The following TAF2 variants were observed in gnomAD, a reference collection of about 807,000 sequenced individuals.
TAF2 encodes the protein TATA-box binding protein associated factor 2.
Under a neutral mutation model 138.5 loss-of-function variants are expected in TAF2, and 61 were observed. That is an observed-to-expected ratio of 0.44 (90% CI 0.36 to 0.54). The LOEUF (loss-of-function observed/expected upper bound fraction) is 0.54, where lower values mean the gene tolerates loss of function less well. TAF2 is among the 20% of genes least tolerant of loss of function. The pLI is 0.00. For missense variants in TAF2, 1,090 were observed against 1,427.9 expected, an observed-to-expected ratio of 0.76 and a Z score of 3.81; for synonymous variants, 475 against 469.9, an observed-to-expected ratio of 1.01 and a Z score of -0.14.
At chr8:119,761,944 C>T (rs186658640) in intron 19 of TAF2, among the ~76,000 whole-genome samples, 2 of 151,952 alleles carry the variant, frequency 1.3e-5, no homozygotes, top group East Asian at 3.9e-4. Flanking sequence ...ATAGTTTGTT[C>T]ACTATATAGA....
chr8:119,783,517 A>G lies in TAF2; in HGVS notation c.1976T>C (p.Val659Ala). ...WQYQLRYERD[V>A]VAQQESILAL... ...CAAAATGGATTCCTGCTGTGCAACA[A>G]CATCTCTCTCATAGCGGAGCTGATA... The change falls in exon 16 of 26, where the codon GTT becomes GCT. Residue 659 changes from valine to alanine, a missense_variant. By Grantham distance (64) the Val-to-Ala change is moderately conservative. Transcript: ENST00000378164. 1 of 1,614,170 alleles carries G rather than the reference A, an allele frequency of 6.2e-7. No homozygotes were observed. The highest frequency in any genetic ancestry group is 8.5e-7 in the Non-Finnish European group (1 of 1,180,028).
chr8:119,788,684 T>A, intron 13 of TAF2, 106 bp downstream of exon 13: 1 of 895,688 alleles, frequency 1.1e-6, no homozygotes, highest in African/African-American at 1.6e-5. Context: ...TTTATCCACT[T>A]CAAACAAAAT....
rs546079177 is a variant in TAF2 at position 119,748,928 on chromosome 8, A to C, written c.2879-1994T>G. ...GGCATTTTATCAGTTAAAAAAAAAAAAACAAAAAACAGAACAGAACAGTTT... is the reference window on the plus strand; with the variant it reads ...GGCATTTTATCAGTTAAAAAAAAAACAACAAAAAACAGAACAGAACAGTTT... On this transcript the variant is annotated intron_variant, in intron 22 of 25. Transcript: ENST00000378164. Among the ~76,000 whole-genome samples, 5 of 138,374 alleles carry C rather than the reference A, an allele frequency of 3.6e-5. No individual in the cohort carries two copies. The East Asian group carries it at 6.8e-4, about 19-fold the overall frequency. 90.8% of individuals were successfully genotyped at this position (138,374 alleles called of 152,430 possible).
In TAF2 at chr8:119,832,561, G is replaced by A. The variant is rs1390812009; in HGVS notation, c.4C>T (p.Pro2Ser). The change falls in exon 1 of 26, where the codon CCG (proline) becomes TCG (serine). Residue 2 changes from proline to serine, a missense_variant. Pro to Ser is a moderately conservative substitution (Grantham distance 74, BLOSUM62 -1). Around this residue, in one of 3 missense-constraint regions of TAF2, gnomAD observed 504 missense variants for 680.9 expected, o/e 0.74. Coordinates refer to ENST00000378164, the MANE Select transcript of TAF2 (RefSeq NM_003184.4). ...CTGGCGGGCTCTACACCAGTCAGCG[G>A]CATGAAGCGGTCCCGCGGAGCTTGG... Reference protein sequence around the residue: MPLTGVEPARMN... With the variant: MSLTGVEPARMN... The A allele has an allele frequency of 4.3e-6, 7 of 1,612,898 alleles. No homozygotes were observed. The highest frequency in any genetic ancestry group is 1.3e-5 in the African/African-American group (1 of 74,914).
At chr8:119,810,691 G>A (rs1043297348) in intron 3 of TAF2, among the ~76,000 whole-genome samples, 2 of 152,272 alleles carry the variant, frequency 1.3e-5, no homozygotes, top group East Asian at 3.9e-4. Flanking sequence ...TTTATCTATA[G>A]AGTATAATTT....
chr8:119,799,600 T>C (rs1319744127), intron 6 of TAF2, among the ~76,000 whole-genome samples: 3 of 152,224 alleles, frequency 2.0e-5, no homozygotes, highest in East Asian at 1.9e-4. Flanking sequence ...TGAATAGTGC[T>C]GCAATAAACA....
intron 14 of TAF2, among the ~76,000 whole-genome samples, chr8:119,788,036 A>C (rs957928962): frequency 2.6e-5 from 4 of 152,172 alleles, no homozygotes; most frequent in African/African-American, 9.7e-5. Flanking sequence ...GGAGTTGAAC[A>C]ATGAGAACAC....
chr8:119,753,367 T>C (rs1820484798), intron 22 of TAF2, among the ~76,000 whole-genome samples: 1 of 152,228 alleles, frequency 6.6e-6, no homozygotes, highest in Non-Finnish European at 1.5e-5. Context: ...GATTCATTCA[T>C]TTATCCCAAA....
At chr8:119,764,683 G>T (rs1821304144) in intron 18 of TAF2, among the ~76,000 whole-genome samples, 1 of 152,046 alleles carries the variant, frequency 6.6e-6, no homozygotes, top group Admixed American at 6.6e-5. Context: ...ACATTTCAAA[G>T]AATTTAAGAT....
At chr8:119,821,176 T>C (rs1825783860) in intron 2 of TAF2, among the ~76,000 whole-genome samples, 1 of 152,220 alleles carries the variant, frequency 6.6e-6, no homozygotes, top group Admixed American at 6.5e-5. Context: ...TGCCACCACC[T>C]AGGGCTCTAA....
Position 119,832,698 on chromosome 8 carries a change from G to A in TAF2, c.-134C>T, listed in dbSNP as rs1328500971. On this transcript the variant is annotated 5_prime_UTR_variant, in exon 1 of 26. Coordinates refer to ENST00000378164, the MANE Select transcript of TAF2 (RefSeq NM_003184.4). Reference sequence around the variant, plus strand: ...TCGCAGCTGGCCGGTGCCCAGGTGAGCGACCTGACGGGTCGCTGCCCGCCT... The same window carrying A: ...TCGCAGCTGGCCGGTGCCCAGGTGAACGACCTGACGGGTCGCTGCCCGCCT... 2.0e-5 allele frequency: 15 copies of A among 749,406 alleles called. No homozygotes were observed. Among genetic ancestry groups the A allele is most frequent in the Non-Finnish European group, 3.1e-5 (15 of 483,796 alleles). The allele number at this position is 749,406 out of a possible 1,614,324, so 46.4% of individuals were successfully genotyped here.
At chr8:119,788,208 G>A (rs1048382101) in intron 14 of TAF2, 130 bp downstream of exon 14, 5 of 756,000 alleles carry the variant, frequency 6.6e-6, no homozygotes, top group African/African-American at 1.7e-5. Context: ...TGCATGTTCT[G>A]CACATGTATC....
At chr8:119,740,793 G>T (rs2130989381) in intron 25 of TAF2, among the ~76,000 whole-genome samples, 1 of 151,978 alleles carries the variant, frequency 6.6e-6, no homozygotes, top group East Asian at 1.9e-4. Context: ...TTTGTAAAAT[G>T]AAGGTTTTCT....
intron 24 of TAF2, among the ~76,000 whole-genome samples, chr8:119,742,986 T>C (rs897013139): frequency 2.6e-5 from 4 of 151,824 alleles, no homozygotes; most frequent in African/African-American, 9.7e-5. Flanking sequence ...AGAGAGTCAC[T>C]TGAACCCGGG....
At position 119,731,323 on chromosome 8, in the gene TAF2, G is replaced by T. The variant is rs1046215689; in HGVS notation, c.*601C>A. 6.6e-6 allele frequency: 1 copy of T among 152,136 alleles called. No individual in the cohort carries two copies. The highest frequency in any genetic ancestry group is 1.5e-5 in the Non-Finnish European group (1 of 68,034). 9.4% of individuals were successfully genotyped at this position (152,136 alleles called of 1,614,324 possible). A position where few individuals can be genotyped will look rare whatever the true frequency, so the allele number is the denominator to read the frequency against. On this transcript the variant is annotated 3_prime_UTR_variant, in exon 26 of 26. Transcript: ENST00000378164. ...AGTTATTCAAAATTTTTTTAAAAAA[G>T]AATTGCTTCCCCAAATCTCAGTATT...
intron 22 of TAF2, among the ~76,000 whole-genome samples, chr8:119,747,995 A>G (rs1328628550): frequency 6.6e-6 from 1 of 152,080 alleles, no homozygotes; most frequent in African/African-American, 2.4e-5. Flanking sequence ...GTGGTGGTGC[A>G]TGACTGTAAT....
chr8:119,783,247 A>T, intron 16 of TAF2, 134 bp downstream of exon 16: 1 of 1,028,116 alleles, frequency 9.7e-7, no homozygotes, highest in Non-Finnish European at 1.4e-6. Flanking sequence ...CTATTAATTT[A>T]AAAGCACTTT....
At chr8:119,740,573 G>A (rs562515574) in intron 25 of TAF2, among the ~76,000 whole-genome samples, 23 of 146,010 alleles carry the variant, frequency 1.6e-4, no homozygotes, top group African/African-American at 5.3e-4. Flanking sequence ...GCTGAGGTAC[G>A]AGAATCACTT....
chr8:119,778,154 T>TA lies in TAF2; in HGVS notation c.2254-26dup. ...TCTACAAAAGAAAAAAAAGAACTTT[T>TA]AAAAGCACAGAACCTAACTTTTTGT... On this transcript the variant is annotated intron_variant, in intron 17 of 25. Coordinates refer to ENST00000378164, the MANE Select transcript of TAF2 (RefSeq NM_003184.4). 3 of 1,439,444 alleles carry TA rather than the reference T, an allele frequency of 2.1e-6. No individual in the cohort carries two copies. In the South Asian group the frequency reaches 3.5e-5, roughly 17 times the overall value. 89.2% of individuals were successfully genotyped at this position (1,439,444 alleles called of 1,614,324 possible).
Sources: allele counts gnomAD v4.1 joint callset (sites outside exome capture counted in the v4.1 genomes callset), GRCh38; gene constraint gnomAD v4.1.1; regional missense constraint gnomAD v4.1.1; transcripts MANE v1.5; gene names NCBI Gene and HGNC (gene_info 2026-07-23, HGNC 2026-07-21).